DMD: variants seen among roughly 807,000 people sequenced by gnomAD.
The protein encoded by DMD is dystrophin, also known as mutant dystrophin.
A neutral mutation model predicts 330.1 loss-of-function variants in DMD; 63 were observed. The observed-to-expected ratio is 0.19, with a 90% confidence interval of 0.16 to 0.24. The LOEUF is 0.24. Ranked by LOEUF, DMD falls within the 10% of genes least tolerant of loss-of-function variation. The probability of loss-of-function intolerance (pLI) is 1.00; values close to 1 mark genes in which losing one functional copy is unlikely to be tolerated. For synonymous variants in DMD, 1,223 were observed against 959.8 expected (o/e 1.27, Z -5.07); for missense variants, 3,344 against 2,684.1 (o/e 1.25, Z -5.43).
chrX:31,458,568 A>G (rs1157904252), intron 59 of DMD, among the ~76,000 whole-genome samples: 2 of 109,254 alleles, frequency 1.8e-5, no homozygotes, highest in African/African-American at 3.3e-5. Flanking sequence ...CTTTAGAAAA[A>G]GTGATTGATA....
chrX:33,337,812 G>C (rs1039510924), intron 1 of DMD, among the ~76,000 whole-genome samples: 1 of 111,476 alleles, frequency 9.0e-6, no homozygotes, highest in African/African-American at 3.3e-5. Flanking sequence ...GAAAACCATG[G>C]ACTAACATTC....
intron 1 of DMD, among the ~76,000 whole-genome samples, chrX:33,283,073 AAT>A (rs756037888): frequency 1.9e-3 from 211 of 112,082 alleles, no homozygotes; most frequent in Middle Eastern, 4.7e-3. Context: ...GTCTTGTTTT[AAT>A]ATGTTTTAAC....
At chrX:31,216,251 G>C (rs1039283155) in intron 64 of DMD, among the ~76,000 whole-genome samples, 3 of 112,494 alleles carry the variant, frequency 2.7e-5, no homozygotes, top group African/African-American at 9.7e-5. Context: ...GATAGCTGGA[G>C]AATGGAACCA....
At chrX:32,962,069 A>C in intron 2 of DMD, among the ~76,000 whole-genome samples, 1 of 111,915 alleles carries the variant, frequency 8.9e-6, no homozygotes, top group South Asian at 3.7e-4. Context: ...ACAAAAGCAT[A>C]GGACTACAAA....
At chrX:32,263,178 C>T (rs1357329775) in intron 43 of DMD, among the ~76,000 whole-genome samples, 2 of 111,635 alleles carry the variant, frequency 1.8e-5, no homozygotes, top group South Asian at 7.4e-4. Context: ...TATAAATAGC[C>T]ATTATATACA....
At chrX:32,961,944 C>G (rs140343053) in intron 2 of DMD, among the ~76,000 whole-genome samples, 234 of 111,955 alleles carry the variant, frequency 2.1e-3, no homozygotes, top group African/African-American at 6.2e-3. Flanking sequence ...CTGAACAACA[C>G]ATTTTAGACC....
chrX:31,352,842 C>G (rs2058498047), intron 60 of DMD, among the ~76,000 whole-genome samples: 1 of 111,749 alleles, frequency 8.9e-6, no homozygotes, highest in Non-Finnish European at 1.9e-5. Context: ...TAGCTTGGGA[C>G]TTAGGAACAA....
intron 16 of DMD, among the ~76,000 whole-genome samples, chrX:32,549,431 A>C (rs1025353997): frequency 9.0e-6 from 1 of 111,523 alleles, no homozygotes; most frequent in Admixed American, 9.6e-5. Flanking sequence ...TGAAATTCTT[A>C]GGTCTTGAAC....
At chrX:31,232,589 A>G (rs778642476) in intron 63 of DMD, among the ~76,000 whole-genome samples, 3 of 111,583 alleles carry the variant, frequency 2.7e-5, no homozygotes, top group African/African-American at 9.8e-5. Context: ...GAAGTCTCAG[A>G]AATGAAAGGC....
intron 13 of DMD, among the ~76,000 whole-genome samples, chrX:32,589,497 CAT>C (rs1311281177): frequency 3.6e-5 from 4 of 109,834 alleles, no homozygotes; most frequent in African/African-American, 9.9e-5. Flanking sequence ...TATATAGAAA[CAT>C]AAAGAGATGT....
intron 19 of DMD, among the ~76,000 whole-genome samples, chrX:32,492,140 C>G (rs1603634758): frequency 8.9e-6 from 1 of 111,773 alleles, no homozygotes; most frequent in Admixed American, 9.5e-5. Flanking sequence ...AGATCAAGAC[C>G]ATCCTGGCTA....
At chrX:32,589,012 A>G (rs764808887) in intron 13 of DMD, among the ~76,000 whole-genome samples, 19 of 111,832 alleles carry the variant, frequency 1.7e-4, no homozygotes, top group Admixed American at 8.5e-4. Context: ...GATAATTAGA[A>G]GAAAATGGAC....
intron 48 of DMD, among the ~76,000 whole-genome samples, chrX:31,852,707 A>G (rs992214197): frequency 8.9e-6 from 1 of 111,806 alleles, no homozygotes; most frequent in African/African-American, 3.2e-5. Context: ...ATGTAAACAT[A>G]TATCAAAACA....
At chrX:32,463,877 G>A (rs754775902) in intron 24 of DMD, among the ~76,000 whole-genome samples, 6 of 111,854 alleles carry the variant, frequency 5.4e-5, no homozygotes, top group Non-Finnish European at 7.5e-5. Flanking sequence ...AAAAATGTGT[G>A]AAAATGATGG....
intron 1 of DMD, among the ~76,000 whole-genome samples, chrX:33,159,994 G>T (rs1310518478): frequency 7.2e-5 from 8 of 111,671 alleles, no homozygotes; most frequent in Non-Finnish European, 1.3e-4. Context: ...CTTTGCAATG[G>T]TATGAAATAG....
intron 9 of DMD, among the ~76,000 whole-genome samples, chrX:32,651,278 G>T (rs1430313504): frequency 9.2e-6 from 1 of 109,246 alleles, no homozygotes; most frequent in Non-Finnish European, 1.9e-5. Context: ...GAGTAGCTGG[G>T]ATTACAGGCA....
intron 19 of DMD, among the ~76,000 whole-genome samples, chrX:32,500,633 T>G (rs1490035751): frequency 3.6e-5 from 4 of 111,862 alleles, no homozygotes; most frequent in Non-Finnish European, 5.7e-5. Context: ...AACATGAATA[T>G]GCTGTTAAGT....
rs763478153 is a variant in DMD, at chrX:32,336,010, A to T, written c.5922+6090T>A. 4.5e-3 allele frequency among the ~76,000 whole-genome samples: 428 copies of T among 95,463 alleles called. 4 individuals carry two copies. The highest frequency in any genetic ancestry group is 0.017 in the African/African-American group (407 of 24,055). The allele number at this position is 95,463 out of a possible 115,157, so 82.9% of individuals were successfully genotyped here. A position where few individuals can be genotyped will look rare whatever the true frequency, so the allele number is the denominator to read the frequency against. Reference sequence around the variant, plus strand: ...ATATAACGTGTATATATAACGTTATATATAACGTGTATATATAACGTTATA... The same window carrying T: ...ATATAACGTGTATATATAACGTTATTTATAACGTGTATATATAACGTTATA... On this transcript the variant is annotated intron_variant, in intron 41 of 78. Coordinates refer to ENST00000357033, the MANE Select transcript of DMD (RefSeq NM_004006.3).
chrX:31,559,640 CAA>C lies in DMD; in HGVS notation c.8218-52189_8218-52188del, dbSNP rs1167550498. Among the ~76,000 whole-genome samples the C allele has an allele frequency of 6.2e-3, 135 of 21,617 alleles. 1 individual carries two copies. Among genetic ancestry groups the C allele is most frequent in the Non-Finnish European group, 0.012 (113 of 9,526 alleles). 18.8% of individuals were successfully genotyped at this position (21,617 alleles called of 115,157 possible). The stretch of plus-strand genomic sequence containing the variant: ...TGGGCGACAGAGCGAAACTCCGTCT[CAA>C]AAAAAAAAAAAAAAAAAAAAAAAGA... On this transcript the variant is annotated intron_variant, in intron 55 of 78. Coordinates refer to ENST00000357033, the MANE Select transcript of DMD (RefSeq NM_004006.3).
Sources: allele counts gnomAD v4.1 joint callset (sites outside exome capture counted in the v4.1 genomes callset), GRCh38; gene constraint gnomAD v4.1.1; transcripts MANE v1.5; gene names NCBI Gene and HGNC (gene_info 2026-07-23, HGNC 2026-07-21).